PAPPA2: variants seen among roughly 807,000 people sequenced by gnomAD.
PAPPA2 encodes the protein pappalysin 2.
In PAPPA2, 86 loss-of-function variants were observed where a neutral mutation model predicts 176.4. That is an observed-to-expected ratio of 0.49 (90% CI 0.41 to 0.58). The LOEUF (loss-of-function observed/expected upper bound fraction) is 0.58. Among genes scored for constraint, PAPPA2 ranks in the 20% least tolerant of loss-of-function variants. The pLI, the probability that PAPPA2 is intolerant of heterozygous loss-of-function variation, is 0.00. For missense variants in PAPPA2, 2,073 were observed against 2,256.9 expected (o/e 0.92, Z 1.65); for synonymous variants, 809 against 852.2 (o/e 0.95, Z 0.88).
Position 176,789,986 on chromosome 1 carries a change from C to T in PAPPA2, c.4884+9C>T, listed in dbSNP as rs1665106329. The stretch of plus-strand genomic sequence containing the variant: ...ACCAGGAACGTGAAAAGGTAAGGAA[C>T]ATTTTTTGAACTTATTTTCATCAGG... On this transcript the variant is annotated intron_variant, in intron 18 of 22. Coordinates refer to ENST00000367662, the MANE Select transcript of PAPPA2 (RefSeq NM_020318.3). The T allele has an allele frequency of 1.9e-6, 3 of 1,612,824 alleles. No individual in the cohort carries two copies. The highest frequency in any genetic ancestry group is 2.5e-6 in the Non-Finnish European group (3 of 1,179,138).
At chr1:176,631,872 TAA>T (rs1034240506) in intron 3 of PAPPA2, among the ~76,000 whole-genome samples, 4 of 152,212 alleles carry the variant, frequency 2.6e-5, no homozygotes, top group African/African-American at 9.6e-5. Context: ...CAGGAGAATA[TAA>T]AAGTTTTGAG....
chr1:176,610,634 A>C (rs1654864975), intron 3 of PAPPA2, among the ~76,000 whole-genome samples: 1 of 152,202 alleles, frequency 6.6e-6, no homozygotes, highest in South Asian at 2.1e-4. Flanking sequence ...TCTGGGCAGC[A>C]GGTTTTATGA....
intron 2 of PAPPA2, among the ~76,000 whole-genome samples, chr1:176,588,568 A>C (rs1653464609): frequency 6.6e-6 from 1 of 152,178 alleles, no homozygotes; most frequent in Non-Finnish European, 1.5e-5. Flanking sequence ...AGTAGTCTCT[A>C]GTCAGTTTCT....
chr1:176,593,951 G>C (rs544481285), intron 2 of PAPPA2, among the ~76,000 whole-genome samples: 1 of 152,236 alleles, frequency 6.6e-6, no homozygotes, highest in African/African-American at 2.4e-5. Flanking sequence ...AGGTATTAGA[G>C]GGAATAGTGT....
At chr1:176,692,422 T>C in intron 6 of PAPPA2, 104 bp downstream of exon 6, 1 of 1,195,944 alleles carries the variant, frequency 8.4e-7, no homozygotes, top group South Asian at 1.4e-5. Context: ...TTTGGAAGTA[T>C]AAATGTGTGC....
intron 14 of PAPPA2, among the ~76,000 whole-genome samples, chr1:176,756,268 A>G (rs942065774): frequency 6.6e-6 from 1 of 152,140 alleles, no homozygotes; most frequent in Non-Finnish European, 1.5e-5. Flanking sequence ...TTTACAGTTT[A>G]TTAAGTGGAA....
chr1:176,671,343 A>G (rs895043891), intron 4 of PAPPA2, among the ~76,000 whole-genome samples: 1 of 152,230 alleles, frequency 6.6e-6, no homozygotes, highest in African/African-American at 2.4e-5. Flanking sequence ...GATGTTCTAG[A>G]CTGAATCTAT....
At position 176,556,631 on chromosome 1, in the gene PAPPA2, TG is replaced by T; in HGVS notation, c.310del (p.Val104Ter). 1 of 1,614,188 alleles carries T rather than the reference TG, an allele frequency of 6.2e-7. No individual in the cohort carries two copies. The highest frequency in any genetic ancestry group is 8.5e-7 in the Non-Finnish European group (1 of 1,180,032). On this transcript the variant is annotated frameshift_variant, in exon 2 of 23. Coordinates refer to ENST00000367662, the MANE Select transcript of PAPPA2 (RefSeq NM_020318.3). LOFTEE classifies it high-confidence loss of function. ...GCAAACCAGACACTGAAGGAAATGC[TG>T]TGAGCCTTGTTCCCCCAGACCTGAC... ...RSKPDTEGNA[V>X]SLVPPDLTEN...
At chr1:176,729,012 G>A (rs368698585) in intron 12 of PAPPA2, among the ~76,000 whole-genome samples, 2 of 151,786 alleles carry the variant, frequency 1.3e-5, no homozygotes, top group South Asian at 2.1e-4. Flanking sequence ...ATGGGGTATA[G>A]CATCCTTTAC....
intron 2 of PAPPA2, among the ~76,000 whole-genome samples, chr1:176,569,177 T>A (rs1235449548): frequency 6.6e-6 from 1 of 152,188 alleles, no homozygotes; most frequent in Non-Finnish European, 1.5e-5. Context: ...CACACCTTCA[T>A]ATATGATACA....
At chr1:176,770,443 C>G (rs898230528) in intron 16 of PAPPA2, among the ~76,000 whole-genome samples, 2 of 152,168 alleles carry the variant, frequency 1.3e-5, no homozygotes, top group African/African-American at 4.8e-5. Context: ...CTGTTCAAAC[C>G]GTGATTCTGC....
In PAPPA2 at chr1:176,581,963, G is replaced by T. The variant is rs1443167635; in HGVS notation, c.920-12561G>T. Among the ~76,000 whole-genome samples the T allele has an allele frequency of 9.1e-5, 10 of 110,230 alleles. 1 individual carries two copies. Among genetic ancestry groups the T allele is most frequent in the Non-Finnish European group, 1.5e-4 (9 of 59,054 alleles). 72.3% of individuals were successfully genotyped at this position (110,230 alleles called of 152,430 possible). ...TTTTGAGACGGAGTCTCACTCTGTT[G>T]CCCAGGCTGGAGTGCAGTGGCACAA... On this transcript the variant is annotated intron_variant, in intron 2 of 22. Transcript: ENST00000367662.
At chr1:176,517,847 G>A (rs1375518319) in intron 1 of PAPPA2, among the ~76,000 whole-genome samples, 1 of 151,976 alleles carries the variant, frequency 6.6e-6, no homozygotes, top group Non-Finnish European at 1.5e-5. Context: ...ACCATAAAAT[G>A]AGAAGAGCTC....
chr1:176,833,098 A>G (rs967493821), intron 21 of PAPPA2, among the ~76,000 whole-genome samples: 6 of 152,176 alleles, frequency 3.9e-5, no homozygotes, highest in Admixed American at 3.3e-4. Flanking sequence ...CAGGATGTGT[A>G]TCTTCATTGT....
At position 176,699,192 on chromosome 1, in the gene PAPPA2, C is replaced by T. The variant is rs182517174; in HGVS notation, c.2839C>T (p.Pro947Ser). ...CCACATGAACATGACGGTCCCCTGC[C>T]CCACAGAAGGCTGTAGCTTGGAGCT... ...LYHMNMTVPC[P>S]TEGCSLELLF... is the part of the protein sequence containing the mutation. The change falls in exon 8 of 23, where the codon CCC (proline) becomes TCC (serine). Residue 947 changes from proline to serine, a missense_variant. This residue lies in a region of PAPPA2 where 1,196 missense variants were observed against 1,330.4 expected (regional missense o/e 0.90). Transcript: ENST00000367662. 159 of 1,614,166 alleles carry T rather than the reference C, an allele frequency of 9.9e-5. No homozygotes were observed. Among genetic ancestry groups the T allele is most frequent in the Middle Eastern group, 4.9e-4 (3 of 6,062 alleles).
At chr1:176,608,992 G>A (rs1161019374) in intron 3 of PAPPA2, among the ~76,000 whole-genome samples, 1 of 152,162 alleles carries the variant, frequency 6.6e-6, no homozygotes, top group Non-Finnish European at 1.5e-5. Context: ...GAATATTTGA[G>A]TAATTATTCA....
In PAPPA2 at chr1:176,739,643, A is replaced by G; in HGVS notation, c.3816A>G (p.Pro1272=). The G allele has an allele frequency of 6.2e-7, 1 of 1,613,476 alleles. No individual in the cohort carries two copies. The highest frequency in any genetic ancestry group is 8.5e-7 in the Non-Finnish European group (1 of 1,179,556). The change falls in exon 13 of 23, where the codon CCA becomes CCG. Residue 1272 remains proline, a synonymous_variant. Coordinates refer to ENST00000367662, the MANE Select transcript of PAPPA2 (RefSeq NM_020318.3). ...EVWLKVCFNR[P]GEARAIFIFL... ...ATGCTTAGGTGTGTTTCAATAGACC[A>G]GGAGAGGCCAGAGCAATTTTTATTT...
intron 3 of PAPPA2, among the ~76,000 whole-genome samples, chr1:176,607,600 C>T (rs974631888): frequency 6.6e-6 from 1 of 152,094 alleles, no homozygotes; most frequent in Non-Finnish European, 1.5e-5. Flanking sequence ...TTTATCCAGT[C>T]GTTCACTGAT....
intron 14 of PAPPA2, among the ~76,000 whole-genome samples, chr1:176,752,851 A>G (rs1466122468): frequency 6.6e-6 from 1 of 152,206 alleles, no homozygotes; most frequent in Non-Finnish European, 1.5e-5. Context: ...ACTGTGTGCT[A>G]GTGACACGAA....
Sources: allele counts gnomAD v4.1 joint callset (sites outside exome capture counted in the v4.1 genomes callset), GRCh38; gene constraint gnomAD v4.1.1; regional missense constraint gnomAD v4.1.1; transcripts MANE v1.5; gene names NCBI Gene and HGNC (gene_info 2026-07-23, HGNC 2026-07-21).